Variants in ULK4 observed in about 807,000 individuals in gnomAD.
ULK4 encodes inactive serine/threonine-protein kinase ULK4.
In ULK4, 133 loss-of-function variants were observed where a neutral mutation model predicts 160.6. The observed-to-expected ratio is 0.83, with a 90% CI of 0.72 to 0.96. ULK4 has a LOEUF of 0.96. Ranked by LOEUF, ULK4 falls within the 40% of genes least tolerant of loss-of-function variation. The probability of loss-of-function intolerance (pLI) is 0.00; values close to 1 mark genes in which losing one functional copy is unlikely to be tolerated. For synonymous variants in ULK4, 534 were observed against 539.8 expected (o/e 0.99, Z 0.15); for missense variants, 1,580 against 1,499.5 (o/e 1.05, Z -0.89).
chr3:41,902,996 G>A (rs1717008), intron 12 of ULK4, among the ~76,000 whole-genome samples: 4,680 of 152,230 alleles, frequency 0.031, 94 homozygotes, highest in Non-Finnish European at 0.047. Flanking sequence ...ATGGATGGAG[G>A]GGAGCAATGG....
At chr3:41,869,947 T>C (rs1407923272) in intron 17 of ULK4, among the ~76,000 whole-genome samples, 2 of 152,342 alleles carry the variant, frequency 1.3e-5, no homozygotes, top group South Asian at 2.1e-4. Flanking sequence ...ATTTCCCTTT[T>C]ATTGTTGACA....
Position 41,694,029 on chromosome 3 carries a change from C to T in ULK4, c.2781+11028G>A, listed in dbSNP as rs144717389. Among the ~76,000 whole-genome samples the T allele has an allele frequency of 5.3e-4, 80 of 152,270 alleles. 1 individual carries two copies. Among genetic ancestry groups the T allele is most frequent in the African/African-American group, 1.9e-3 (79 of 41,558 alleles). On this transcript the variant is annotated intron_variant, in intron 27 of 36. Coordinates refer to ENST00000301831, the MANE Select transcript of ULK4 (RefSeq NM_017886.4). ...AAGGCAAAGAATTCTGCAAACAAAT[C>T]GTGACCTCATTTGGTTTGTTTTGAT...
chr3:41,426,314 C>A (rs1029113581), intron 34 of ULK4, among the ~76,000 whole-genome samples: 27 of 152,132 alleles, frequency 1.8e-4, no homozygotes, highest in African/African-American at 6.5e-4. Flanking sequence ...CTTAGACTCC[C>A]ACACAATAAT....
At chr3:41,795,075 G>A (rs2125598213) in intron 20 of ULK4, among the ~76,000 whole-genome samples, 1 of 152,284 alleles carries the variant, frequency 6.6e-6, no homozygotes, top group East Asian at 1.9e-4. Flanking sequence ...TACAAGACGT[G>A]CTCCTGAGAG....
chr3:41,353,992 CATTGTGGGGCT>C (rs2125764917), intron 35 of ULK4, among the ~76,000 whole-genome samples: 1 of 152,246 alleles, frequency 6.6e-6, no homozygotes, highest in Non-Finnish European at 1.5e-5. Context: ...ATGCTCTTTC[CATTGTGGGGCT>C]CCACTGTCCC....
intron 32 of ULK4, among the ~76,000 whole-genome samples, chr3:41,529,769 A>G (rs1399859096): frequency 2.0e-5 from 3 of 152,216 alleles, no homozygotes; most frequent in Admixed American, 2.0e-4. Flanking sequence ...CTGGGACTAG[A>G]GGCATGAGCC....
intron 32 of ULK4, among the ~76,000 whole-genome samples, chr3:41,468,556 C>G (rs1355348045): frequency 6.6e-6 from 1 of 152,172 alleles, no homozygotes; most frequent in African/African-American, 2.4e-5. Context: ...GTTCTATCAG[C>G]AACTATCCAC....
chr3:41,943,212 CAAA>C (rs71288051), intron 2 of ULK4, among the ~76,000 whole-genome samples: 2 of 95,534 alleles, frequency 2.1e-5, no homozygotes, highest in Non-Finnish European at 2.2e-5. Context: ...GACTCCATCT[CAAA>C]AAAAAAAAAA....
chr3:41,503,671 TATTTA>T (rs572920160), intron 32 of ULK4, among the ~76,000 whole-genome samples: 15 of 152,348 alleles, frequency 9.8e-5, no homozygotes, highest in East Asian at 3.8e-4. Flanking sequence ...TTTCAGATTA[TATTTA>T]ATTTAAAAGT....
At position 41,890,430 on chromosome 3, in the gene ULK4, G is replaced by A. The variant is rs138058533; in HGVS notation, c.1577+5088C>T. On this transcript the variant is annotated intron_variant, in intron 16 of 36. Coordinates refer to ENST00000301831, the MANE Select transcript of ULK4 (RefSeq NM_017886.4). ...CATCGTGGCTCACACCTGTAATCCC[G>A]GCACTTTGGGAGGCCAAGGCAGGTG... Among the ~76,000 whole-genome samples, 1,049 of 151,920 alleles carry A rather than the reference G, an allele frequency of 6.9e-3. 10 individuals are homozygous for A. The highest frequency in any genetic ancestry group is 0.024 in the African/African-American group (1,009 of 41,464).
At position 41,285,919 on chromosome 3, in the gene ULK4, C is replaced by A. The variant is rs79597400; in HGVS notation, c.3679-36345G>T. ...CACTTTCTGCATATGCACTAAGCAT[C>A]TCTGGGGTAGCATACAAAAAGATAA... On this transcript the variant is annotated intron_variant, in intron 35 of 36. Transcript: ENST00000301831. Among the ~76,000 whole-genome samples the A allele has an allele frequency of 3.9e-5, 6 of 152,262 alleles. No homozygotes were observed. In the East Asian group the frequency reaches 1.2e-3, roughly 29 times the overall value.
At chr3:41,537,239 C>T (rs1291991189) in intron 32 of ULK4, among the ~76,000 whole-genome samples, 1 of 148,282 alleles carries the variant, frequency 6.7e-6, no homozygotes, top group Non-Finnish European at 1.5e-5. Flanking sequence ...TCCTTGATTG[C>T]TCTGCTGTAA....
intron 31 of ULK4, among the ~76,000 whole-genome samples, chr3:41,578,864 A>G (rs1194450246): frequency 6.6e-6 from 1 of 152,220 alleles, no homozygotes; most frequent in Non-Finnish European, 1.5e-5. Flanking sequence ...GGCCAGTCTC[A>G]ATTTCCAAAG....
chr3:41,586,824 CAATGTGAATTTATTCAAATTAACTGT>C (rs2030845029), intron 31 of ULK4, among the ~76,000 whole-genome samples: 1 of 152,012 alleles, frequency 6.6e-6, no homozygotes. Flanking sequence ...GATGTACTAT[CAATGTGAATTTATTCAAATTAACTGT>C]AAAAAATCAT....
At chr3:41,849,876 A>G (rs1014765514) in intron 17 of ULK4, among the ~76,000 whole-genome samples, 5 of 152,146 alleles carry the variant, frequency 3.3e-5, no homozygotes, top group Non-Finnish European at 7.4e-5. Context: ...GGTTTGTTAC[A>G]TATGTATACA....
chr3:41,342,694 A>C (rs2080711899), intron 35 of ULK4, among the ~76,000 whole-genome samples: 1 of 152,220 alleles, frequency 6.6e-6, no homozygotes, highest in Non-Finnish European at 1.5e-5. Context: ...TCATCCTGAT[A>C]CCAAAACCTG....
intron 35 of ULK4, among the ~76,000 whole-genome samples, chr3:41,312,065 C>A (rs577013767): frequency 8.6e-5 from 13 of 151,992 alleles, no homozygotes; most frequent in African/African-American, 3.1e-4. Context: ...ACTCAAACTC[C>A]TGGGCTCCAG....
At chr3:41,910,451 A>C (rs1698740078) in intron 11 of ULK4, among the ~76,000 whole-genome samples, 1 of 151,860 alleles carries the variant, frequency 6.6e-6, no homozygotes, top group South Asian at 2.1e-4. Context: ...AAAATTAGCC[A>C]GGCGAGGTGG....
chr3:41,472,715 C>A (rs1324520019), intron 32 of ULK4, among the ~76,000 whole-genome samples: 1 of 152,114 alleles, frequency 6.6e-6, no homozygotes, highest in East Asian at 1.9e-4. Context: ...TAATACCAAT[C>A]CTTCACAAAC....
Sources: gnomAD v4.1 joint callset for allele counts (sites outside exome capture counted in the v4.1 genomes callset) on GRCh38, gnomAD v4.1.1 for gene constraint, MANE v1.5 for transcripts, NCBI Gene and HGNC (gene_info 2026-07-23, HGNC 2026-07-21) for gene names.